The following PTPRE variants were observed in gnomAD, a reference collection of about 807,000 sequenced individuals.
PTPRE encodes receptor-type tyrosine-protein phosphatase epsilon.
Under a neutral mutation model 102.0 loss-of-function variants are expected in PTPRE, and 51 were observed. The observed-to-expected ratio is 0.50, with a 90% CI of 0.40 to 0.63. The LOEUF is 0.63. Ranked by LOEUF, PTPRE falls within the 30% of genes least tolerant of loss-of-function variation. The probability of loss-of-function intolerance (pLI) is 0.00; values close to 1 mark genes in which losing one functional copy is unlikely to be tolerated. For synonymous variants in PTPRE, 345 were observed against 348.2 expected (o/e 0.99, Z 0.10); for missense variants, 752 against 915.1 (o/e 0.82, Z 2.30).
At chr10:128,013,030 T>C (rs111601121) in intron 2 of PTPRE, among the ~76,000 whole-genome samples, 7 of 152,292 alleles carry the variant, frequency 4.6e-5, no homozygotes, top group African/African-American at 1.7e-4. Context: ...GAGCAAGCCA[T>C]GTTATGAAAT....
intron 2 of PTPRE, among the ~76,000 whole-genome samples, chr10:128,016,467 A>T (rs1590019406): frequency 6.7e-6 from 1 of 150,200 alleles, no homozygotes. Flanking sequence ...GACCAGTGCC[A>T]CTATGCCTGG....
intron 1 of PTPRE, among the ~76,000 whole-genome samples, chr10:127,978,768 C>T (rs1851386380): frequency 6.6e-6 from 1 of 151,904 alleles, no homozygotes; most frequent in South Asian, 2.1e-4. Flanking sequence ...TGCCTGTAAT[C>T]CCAGCTCTTT....
intron 1 of PTPRE, among the ~76,000 whole-genome samples, chr10:127,917,979 G>C (rs1363267031): frequency 3.9e-5 from 6 of 152,060 alleles, no homozygotes; most frequent in African/African-American, 1.4e-4. Context: ...GCAGTGAGCT[G>C]AGATCACACC....
chr10:128,076,642 A>G lies in PTPRE; in HGVS notation c.1639A>G (p.Thr547Ala). 6.2e-7 allele frequency: 1 copy of G among 1,611,200 alleles called. No homozygotes were observed. Among genetic ancestry groups the G allele is most frequent in the Non-Finnish European group, 8.5e-7 (1 of 1,179,286 alleles). The change falls in exon 18 of 21, where the codon ACT (threonine) becomes GCT (alanine). Residue 547 changes from threonine to alanine, a missense_variant. Around this residue, in one of 2 missense-constraint regions of PTPRE, gnomAD observed 636 missense variants for 824.4 expected, o/e 0.77. Transcript: ENST00000254667. Reference sequence around the variant, plus strand: ...GTATTGGCCAACCGAGGGCTCAGTTACTCATGGAGAAATAACGATTGAGAT... The same window carrying G: ...GTATTGGCCAACCGAGGGCTCAGTTGCTCATGGAGAAATAACGATTGAGAT... ...YQYWPTEGSVTHGEITIEIKN... is the reference protein window; with the variant it reads ...YQYWPTEGSVAHGEITIEIKN...
At chr10:127,962,945 C>G (rs138547456) in intron 1 of PTPRE, among the ~76,000 whole-genome samples, 175 of 152,274 alleles carry the variant, frequency 1.1e-3, no homozygotes, top group African/African-American at 4.1e-3. Context: ...GCTGGGGGCT[C>G]TGGAGGTCCC....
At chr10:128,040,748 C>A (rs1847617918) in intron 2 of PTPRE, 127 bp from the exon 3 acceptor site, 3 of 672,328 alleles carry the variant, frequency 4.5e-6, no homozygotes, top group Non-Finnish European at 7.9e-6. Context: ...AAGTGACAGG[C>A]AAAGTTCTTG....
intron 1 of PTPRE, among the ~76,000 whole-genome samples, chr10:127,930,205 T>C (rs1191720151): frequency 2.0e-5 from 3 of 152,104 alleles, no homozygotes; most frequent in African/African-American, 7.2e-5. Flanking sequence ...GTATAACCAG[T>C]AACACTATCG....
At chr10:127,937,486 C>G (rs1342231444) in intron 1 of PTPRE, among the ~76,000 whole-genome samples, 1 of 152,064 alleles carries the variant, frequency 6.6e-6, no homozygotes, top group African/African-American at 2.4e-5. Context: ...AACAGAGGCC[C>G]CAGGGTTGTT....
At chr10:128,047,524 C>G in intron 4 of PTPRE, 35 bp downstream of exon 4, 1 of 1,612,836 alleles carries the variant, frequency 6.2e-7, no homozygotes, top group Non-Finnish European at 8.5e-7. Flanking sequence ...TTGCCCCAAC[C>G]AGCTCAGAGG....
chr10:128,055,642 G>A (rs987833284), intron 6 of PTPRE, among the ~76,000 whole-genome samples: 2 of 152,030 alleles, frequency 1.3e-5, no homozygotes, highest in Non-Finnish European at 1.5e-5. Context: ...GCTGTTTCCC[G>A]CCCCTTGCCT....
intron 9 of PTPRE, 98 bp downstream of exon 9, chr10:128,061,813 T>TTG (rs1407723503): frequency 1.3e-5 from 18 of 1,424,566 alleles, no homozygotes; most frequent in Admixed American, 2.8e-5. Context: ...TATACTGGAT[T>TTG]TGTGTGTGTG....
rs1400252021 is a variant in PTPRE at position 128,071,519 on chromosome 10, G to A, written c.1387+618G>A. The A allele has an allele frequency of 3.9e-5, 6 of 155,270 alleles. No individual in the cohort carries two copies. In the South Asian group the frequency reaches 5.8e-4, roughly 15 times the overall value. 9.6% of individuals were successfully genotyped at this position (155,270 alleles called of 1,614,324 possible). A position where few individuals can be genotyped will look rare whatever the true frequency, so the allele number is the denominator to read the frequency against. The stretch of plus-strand genomic sequence containing the variant: ...TGCAGTGGGCAGGGGAGTGGGAATC[G>A]GGAGGCTCACCAAGTGGGAAAAAGA... On this transcript the variant is annotated intron_variant, in intron 15 of 20. Coordinates refer to ENST00000254667, the MANE Select transcript of PTPRE (RefSeq NM_006504.6).
Position 128,020,183 on chromosome 10 carries a change from C to A in PTPRE, c.-7-20692C>A, listed in dbSNP as rs944909884. 2.3e-4 allele frequency among the ~76,000 whole-genome samples: 35 copies of A among 152,294 alleles called. 1 individual carries two copies. Among genetic ancestry groups the A allele is most frequent in the Middle Eastern group, 3.4e-3 (1 of 294 alleles). On this transcript the variant is annotated intron_variant, in intron 2 of 20. Coordinates refer to ENST00000254667, the MANE Select transcript of PTPRE (RefSeq NM_006504.6). ...TTAATAAGCCCACACTTTTCCACAG[C>A]AGACCTTCTTATTAAAGTATCAGAA... is the stretch of plus-strand genomic sequence containing the variant.
chr10:127,947,199 G>T (rs1417665791), intron 1 of PTPRE, among the ~76,000 whole-genome samples: 2 of 152,114 alleles, frequency 1.3e-5, no homozygotes, highest in Non-Finnish European at 2.9e-5. Flanking sequence ...ATAATACAGT[G>T]ATCACATTTA....
chr10:127,995,741 A>C (rs922558698), intron 2 of PTPRE, among the ~76,000 whole-genome samples: 2 of 152,174 alleles, frequency 1.3e-5, no homozygotes, highest in Non-Finnish European at 2.9e-5. Flanking sequence ...TGAGTGTCAG[A>C]GGAAAATTGT....
At chr10:127,933,992 C>T (rs1224649774) in intron 1 of PTPRE, 1 of 151,366 alleles carries the variant, frequency 6.6e-6, no homozygotes, top group Non-Finnish European at 1.5e-5. Context: ...CTCCTGTAAA[C>T]ATACATTATC....
intron 2 of PTPRE, among the ~76,000 whole-genome samples, chr10:127,984,371 G>A (rs1178501705): frequency 4.6e-5 from 7 of 152,158 alleles, no homozygotes; most frequent in East Asian, 3.9e-4. Context: ...ATGAGCCACC[G>A]CGCCTGGCCC....
intron 1 of PTPRE, among the ~76,000 whole-genome samples, chr10:127,958,428 CT>C (rs1208883994): frequency 6.6e-6 from 1 of 151,748 alleles, no homozygotes; most frequent in Non-Finnish European, 1.5e-5. Context: ...TTGTCACGTG[CT>C]TTTTTTTGCA....
Position 127,966,664 on chromosome 10 carries a change from T to C in PTPRE, c.-30-15610T>C, listed in dbSNP as rs190818215. Among the ~76,000 whole-genome samples the C allele has an allele frequency of 1.9e-3, 292 of 152,268 alleles. 1 individual carries two copies. Among genetic ancestry groups the C allele is most frequent in the African/African-American group, 6.0e-3 (251 of 41,560 alleles). ...CCCACCCGCCACCCCAAGGTTAAGA[T>C]GGACTTACCTTCATTTTGTAAATAG... On this transcript the variant is annotated intron_variant, in intron 1 of 20. Coordinates refer to ENST00000254667, the MANE Select transcript of PTPRE (RefSeq NM_006504.6).
Sources: gnomAD v4.1 joint callset for allele counts (sites outside exome capture counted in the v4.1 genomes callset) on GRCh38, gnomAD v4.1.1 for gene constraint, gnomAD v4.1.1 regional missense constraint, MANE v1.5 for transcripts, NCBI Gene and HGNC (gene_info 2026-07-23, HGNC 2026-07-21) for gene names.